Variants in PCDHB13 observed in about 807,000 individuals in gnomAD.
The protein encoded by PCDHB13 is protocadherin beta-13.
For missense variants in PCDHB13, 1,065 were observed against 1,016.7 expected (o/e 1.05, Z -0.65); for synonymous variants, 515 against 450.7 (o/e 1.14, Z -1.81).
rs760850490 is a variant in PCDHB13, at chr5:141,217,888, T to C, written c.*1368T>C. The C allele has an allele frequency of 6.0e-6, 1 of 167,076 alleles. No homozygotes were observed. The highest frequency in any genetic ancestry group is 1.5e-5 in the Non-Finnish European group (1 of 68,168). 10.3% of individuals were successfully genotyped at this position (167,076 alleles called of 1,614,324 possible). On this transcript the variant is annotated 3_prime_UTR_variant, in exon 1 of 1. Transcript: ENST00000341948. The stretch of plus-strand genomic sequence containing the variant: ...ATGGAAAAGAGGAAATTCATGGGGA[T>C]GAGCAAAATGACTACTTCCAGTGCC...
In PCDHB13 at chr5:141,215,377, C is replaced by T. The variant is rs565255593; in HGVS notation, c.1254C>T (p.Asn418=). Residue 418 remains asparagine, a synonymous_variant, in exon 1 of 1, where the codon AAC becomes AAT. Coordinates refer to ENST00000341948, the MANE Select transcript of PCDHB13 (RefSeq NM_018933.4). ...ACAGAGAAAGCAGAGCGGAATACAA[C>T]ATCACTATCACTGTCACTGACTTGG... ...PLDRESRAEY[N]ITITVTDLGT... is the part of the protein sequence containing the mutation. The T allele has an allele frequency of 2.5e-6, 4 of 1,614,080 alleles. No individual in the cohort carries two copies. The East Asian group carries it at 8.9e-5, about 36-fold the overall frequency.
At position 141,216,078 on chromosome 5, in the gene PCDHB13, G is replaced by T; in HGVS notation, c.1955G>T (p.Arg652Leu). 6.2e-7 allele frequency: 1 copy of T among 1,606,242 alleles called. No individual in the cohort carries two copies. Among genetic ancestry groups the T allele is most frequent in the Non-Finnish European group, 8.5e-7 (1 of 1,179,450 alleles). The change falls in exon 1 of 1, where the codon CGC (arginine) becomes CTC (leucine). Residue 652 changes from arginine (R) to leucine (L), a missense_variant. By Grantham distance (102) the Arg-to-Leu change is moderately radical (BLOSUM62 -2). Coordinates refer to ENST00000341948, the MANE Select transcript of PCDHB13 (RefSeq NM_018933.4). ...VLVKDNGEPP[R>L]SATATLHVLL... Reference sequence around the variant, plus strand: ...GTCAAGGACAATGGCGAGCCTCCGCGCTCGGCCACCGCCACGCTGCACGTG... The same window carrying T: ...GTCAAGGACAATGGCGAGCCTCCGCTCTCGGCCACCGCCACGCTGCACGTG...
rs1177663004 is a variant in PCDHB13, at chr5:141,214,644, G to T, written c.521G>T (p.Ser174Ile). The T allele has an allele frequency of 6.2e-7, 1 of 1,614,116 alleles. No individual in the cohort carries two copies. The highest frequency in any genetic ancestry group is 1.1e-5 in the South Asian group (1 of 91,080). ...GQNNIENYII[S>I]PNSYFRVLTR... ...AACAATATTGAGAACTATATAATCA[G>T]CCCCAACTCCTATTTTCGGGTCCTC... The change falls in exon 1 of 1, where the codon AGC becomes ATC. Residue 174 changes from serine to isoleucine, a missense_variant. Ser to Ile is a moderately radical substitution (Grantham distance 142, BLOSUM62 -2). Coordinates refer to ENST00000341948, the MANE Select transcript of PCDHB13 (RefSeq NM_018933.4).
rs773719962 is a variant in PCDHB13 at position 141,215,586 on chromosome 5, A to T, written c.1463A>T (p.Tyr488Phe). 6.2e-7 allele frequency: 1 copy of T among 1,613,316 alleles called. No individual in the cohort carries two copies. Among genetic ancestry groups the T allele is most frequent in the Admixed American group, 1.7e-5 (1 of 60,004 alleles). Residue 488 changes from tyrosine to phenylalanine, a missense_variant, in exon 1 of 1, where the codon TAC becomes TTC. By Grantham distance (22) the Tyr-to-Phe change is conservative. Transcript: ENST00000341948. ...RDSGTNAQVT[Y>F]SLLPPQDPHL... ...TCAGGCACCAACGCCCAGGTCACCTACTCGCTGCTGCCGCCCCAGGACCCG... is the reference window on the plus strand; with the variant it reads ...TCAGGCACCAACGCCCAGGTCACCTTCTCGCTGCTGCCGCCCCAGGACCCG...
chr5:141,216,195 T>C lies in PCDHB13; in HGVS notation c.2072T>C (p.Val691Ala), dbSNP rs1305678038. ...GCCGACTTGCTCACCGTCTACCTGG[T>C]GGTGGCGTTGGCCTCGGTGTCTTCG... ...AQADLLTVYL[V>A]VALASVSSLF... is the part of the protein sequence containing the mutation. The change falls in exon 1 of 1, where the codon GTG becomes GCG. Residue 691 changes from valine (V) to alanine (A), a missense_variant. By Grantham distance (64) the Val-to-Ala change is moderately conservative. Transcript: ENST00000341948. 2.1e-5 allele frequency: 34 copies of C among 1,612,418 alleles called. No individual in the cohort carries two copies. Among genetic ancestry groups the C allele is most frequent in the Non-Finnish European group, 2.8e-5 (33 of 1,179,888 alleles).
chr5:141,213,995 G>A lies in PCDHB13; in HGVS notation c.-129G>A, dbSNP rs1754513712. The A allele has an allele frequency of 1.4e-6, 1 of 739,502 alleles. No homozygotes were observed. Among genetic ancestry groups the A allele is most frequent in the Non-Finnish European group, 2.2e-6 (1 of 446,528 alleles). The allele number at this position is 739,502 out of a possible 1,614,324, so 45.8% of individuals were successfully genotyped here. ...CTTGGATGCCAAAGGGAGGACGGCT[G>A]GGTCCTCTGGAGAGGACTACTCACT... On this transcript the variant is annotated 5_prime_UTR_variant, in exon 1 of 1. Coordinates refer to ENST00000341948, the MANE Select transcript of PCDHB13 (RefSeq NM_018933.4).
Position 141,214,159 on chromosome 5 carries a change from G to C in PCDHB13, c.36G>C (p.Arg12Ser), listed in dbSNP as rs1554287547. ...GCGGGAAGCTCATTTGCAGACAAAG[G>C]CAAGTCCTTTTTTCCTTTCTCCTTT... ...EASGKLICRQRQVLFSFLLLG... is the reference protein window; with the variant it reads ...EASGKLICRQSQVLFSFLLLG... Residue 12 changes from arginine to serine, a missense_variant, in exon 1 of 1, where the codon AGG (arginine) becomes AGC (serine). By Grantham distance (110) the Arg-to-Ser change is moderately radical (BLOSUM62 -1). Transcript: ENST00000341948. 14 of 1,613,634 alleles carry C rather than the reference G, an allele frequency of 8.7e-6. No homozygotes were observed. The highest frequency in any genetic ancestry group is 1.0e-5 in the Non-Finnish European group (12 of 1,179,932).
Position 141,213,958 on chromosome 5 carries a change from G to A in PCDHB13, c.-166G>A, listed in dbSNP as rs1754512755. Reference sequence around the variant, plus strand: ...CGGCAAAAAGCAGCAGAACCTGGAAGTCCACGGGGAGCTTGGATGCCAAAG... The same window carrying A: ...CGGCAAAAAGCAGCAGAACCTGGAAATCCACGGGGAGCTTGGATGCCAAAG... On this transcript the variant is annotated 5_prime_UTR_variant, in exon 1 of 1. Transcript: ENST00000341948. 1.6e-6 allele frequency: 1 copy of A among 609,202 alleles called. No individual in the cohort carries two copies. The highest frequency in any genetic ancestry group is 3.0e-6 in the Non-Finnish European group (1 of 332,926). The allele number at this position is 609,202 out of a possible 1,614,324, so 37.7% of individuals were successfully genotyped here.
chr5:141,216,918 A>C lies in PCDHB13; in HGVS notation c.*398A>C, dbSNP rs372830721. ...TTTTAGTCTTAAAATAATGACTCCT[A>C]TTCAGACATATCATTTTTCTTTTTT... is the stretch of plus-strand genomic sequence containing the variant. On this transcript the variant is annotated 3_prime_UTR_variant, in exon 1 of 1. Transcript: ENST00000341948. The C allele has an allele frequency of 7.2e-6, 2 of 278,984 alleles. No individual in the cohort carries two copies. Among genetic ancestry groups the C allele is most frequent in the Admixed American group, 1.1e-4 (2 of 18,936 alleles). The allele number at this position is 278,984 out of a possible 1,614,324, so 17.3% of individuals were successfully genotyped here.
Position 141,214,971 on chromosome 5 carries a change from T to C in PCDHB13, c.848T>C (p.Phe283Ser), listed in dbSNP as rs781793158. ...GVNGEISYSLFQASEEIGKTF... is the reference protein window; with the variant it reads ...GVNGEISYSLSQASEEIGKTF... ...AACGGAGAGATTTCCTATTCACTTTTCCAAGCTTCAGAAGAGATTGGCAAA... is the reference window on the plus strand; with the variant it reads ...AACGGAGAGATTTCCTATTCACTTTCCCAAGCTTCAGAAGAGATTGGCAAA... The change falls in exon 1 of 1, where the codon TTC (phenylalanine) becomes TCC (serine). Residue 283 changes from phenylalanine (F) to serine (S), a missense_variant. Coordinates refer to ENST00000341948, the MANE Select transcript of PCDHB13 (RefSeq NM_018933.4). The C allele has an allele frequency of 6.2e-7, 1 of 1,614,186 alleles. No individual in the cohort carries two copies. Among genetic ancestry groups the C allele is most frequent in the East Asian group, 2.2e-5 (1 of 44,876 alleles).
Position 141,215,418 on chromosome 5 carries a change from T to A in PCDHB13, c.1295T>A (p.Ile432Lys). Residue 432 changes from isoleucine (I) to lysine (K), a missense_variant, in exon 1 of 1, where the codon ATA becomes AAA. Ile to Lys is a moderately radical substitution (Grantham distance 102). Coordinates refer to ENST00000341948, the MANE Select transcript of PCDHB13 (RefSeq NM_018933.4). ...ACTGACTTGGGGACCCCTATGCTGA[T>A]AACACAGCTCAATATGACCGTGCTG... ...TVTDLGTPML[I>K]TQLNMTVLIA... 1 of 1,614,202 alleles carries A rather than the reference T, an allele frequency of 6.2e-7. No individual in the cohort carries two copies. Among genetic ancestry groups the A allele is most frequent in the Non-Finnish European group, 8.5e-7 (1 of 1,180,038 alleles).
Position 141,217,228 on chromosome 5 carries a change from A to G in PCDHB13, c.*708A>G, listed in dbSNP as rs1554288293. The G allele has an allele frequency of 6.0e-6, 1 of 167,192 alleles. No homozygotes were observed. The highest frequency in any genetic ancestry group is 1.5e-5 in the Non-Finnish European group (1 of 68,208). 10.4% of individuals were successfully genotyped at this position (167,192 alleles called of 1,614,324 possible). A position where few individuals can be genotyped will look rare whatever the true frequency, so the allele number is the denominator to read the frequency against. On this transcript the variant is annotated 3_prime_UTR_variant, in exon 1 of 1. Coordinates refer to ENST00000341948, the MANE Select transcript of PCDHB13 (RefSeq NM_018933.4). The stretch of plus-strand genomic sequence containing the variant: ...GTTGAATGCAGATGCCTGTGCCCAA[A>G]TAATAATTCATATAGCATAAATTGG...
chr5:141,216,673 A>G lies in PCDHB13; in HGVS notation c.*153A>G, dbSNP rs782327661. 2.7e-5 allele frequency: 21 copies of G among 792,276 alleles called. No homozygotes were observed. The highest frequency in any genetic ancestry group is 4.5e-6 in the Non-Finnish European group (2 of 448,632). The allele number at this position is 792,276 out of a possible 1,614,324, so 49.1% of individuals were successfully genotyped here. On this transcript the variant is annotated 3_prime_UTR_variant, in exon 1 of 1. Transcript: ENST00000341948. ...TCCCTTTGTTTTAAAGTGAACATTT[A>G]CCTTTATTCCTGGTTCTTAAAAGGT...
In PCDHB13 at chr5:141,216,151, G is replaced by C; in HGVS notation, c.2028G>C (p.Ala676=). The change falls in exon 1 of 1, where the codon GCG becomes GCC. Residue 676 remains alanine, a synonymous_variant. Coordinates refer to ENST00000341948, the MANE Select transcript of PCDHB13 (RefSeq NM_018933.4). ...FSQPYLPLPE[A]APTQAQADLL... ...AGCCCTACCTGCCTCTCCCGGAGGC[G>C]GCCCCGACCCAGGCCCAGGCCGACT... is the stretch of plus-strand genomic sequence containing the variant. 1.2e-6 allele frequency: 2 copies of C among 1,611,604 alleles called. No homozygotes were observed.
rs782185773 is a variant in PCDHB13 at position 141,215,791 on chromosome 5, C to A, written c.1668C>A (p.Asp556Glu). ...LVRVVVLDAN[D>E]NSPFVLYPLQ... Reference sequence around the variant, plus strand: ...GCGTGGTGGTGCTGGACGCCAACGACAACTCGCCCTTCGTGCTGTACCCGC... The same window carrying A: ...GCGTGGTGGTGCTGGACGCCAACGAAAACTCGCCCTTCGTGCTGTACCCGC... Residue 556 changes from aspartate (D) to glutamate (E), a missense_variant, in exon 1 of 1, where the codon GAC becomes GAA. Asp to Glu is a conservative substitution (Grantham distance 45). Coordinates refer to ENST00000341948, the MANE Select transcript of PCDHB13 (RefSeq NM_018933.4). The A allele has an allele frequency of 1.3e-5, 21 of 1,611,532 alleles. No individual in the cohort carries two copies. Among genetic ancestry groups the A allele is most frequent in the Non-Finnish European group, 1.7e-5 (20 of 1,179,704 alleles).
In PCDHB13 at chr5:141,215,915, C is replaced by T. The variant is rs782614598; in HGVS notation, c.1792C>T (p.Gln598Ter). ...KVVAVDGDSG[Q>*]NAWLSYQLLK... ...GGTGGCGGTGGACGGCGACTCGGGC[C>T]AGAACGCCTGGCTGTCGTACCAGCT... Residue 598 changes from glutamine to a stop codon, truncating the protein, a stop_gained, in exon 1 of 1, where the codon CAG (glutamine) becomes TAG (stop). Coordinates refer to ENST00000341948, the MANE Select transcript of PCDHB13 (RefSeq NM_018933.4). LOFTEE classifies it low-confidence loss of function (END_TRUNC). The T allele has an allele frequency of 3.7e-6, 6 of 1,606,698 alleles. No homozygotes were observed. The highest frequency in any genetic ancestry group is 5.1e-6 in the Non-Finnish European group (6 of 1,178,976).
chr5:141,215,386 C>CTTGGG lies in PCDHB13; in HGVS notation c.1263_1264insTTGGG (p.Thr422LeufsTer12). 6.2e-7 allele frequency: 1 copy of CTTGGG among 1,614,216 alleles called. No homozygotes were observed. The highest frequency in any genetic ancestry group is 1.1e-5 in the South Asian group (1 of 91,080). ...GCAGAGCGGAATACAACATCACTAT[C>CTTGGG]ACTGTCACTGACTTGGGGACCCCTA... On this transcript the variant is annotated frameshift_variant, in exon 1 of 1. Transcript: ENST00000341948. LOFTEE classifies it low-confidence loss of function (END_TRUNC).
rs782130728 is a variant in PCDHB13, at chr5:141,214,336, G to A, written c.213G>A (p.Gly71=). 7.8e-6 allele frequency: 11 copies of A among 1,401,574 alleles called. No homozygotes were observed. The highest frequency in any genetic ancestry group is 9.9e-6 in the Non-Finnish European group (10 of 1,005,192). 86.8% of individuals were successfully genotyped at this position (1,401,574 alleles called of 1,614,324 possible). Residue 71 remains glycine (G), a synonymous_variant, in exon 1 of 1, where the codon GGG becomes GGA. Transcript: ENST00000341948. ...SRRGVRVVSR[G]NKLHLQLNQE... ...GGGGGGTTAGGGTTGTTTCCAGAGG[G>A]AACAAACTACATTTGCAGCTCAATC...
chr5:141,216,948 A>G lies in PCDHB13; in HGVS notation c.*428A>G, dbSNP rs182331925. 3.9e-4 allele frequency: 99 copies of G among 252,096 alleles called. 1 individual carries two copies. Among genetic ancestry groups the G allele is most frequent in the Non-Finnish European group, 7.2e-4 (89 of 123,206 alleles). 15.6% of individuals were successfully genotyped at this position (252,096 alleles called of 1,614,324 possible). On this transcript the variant is annotated 3_prime_UTR_variant, in exon 1 of 1. Transcript: ENST00000341948. ...GACATATCATTTTTCTTTTTTGTAA[A>G]TCCAGTGCGTTTTTAGTTAACCTTT...
Sources: gnomAD v4.1 joint callset for allele counts on GRCh38, gnomAD v4.1.1 for gene constraint, MANE v1.5 for transcripts, NCBI Gene and HGNC (gene_info 2026-07-23, HGNC 2026-07-21) for gene names.